GRIK1: variants seen among roughly 807,000 people sequenced by gnomAD.
The protein encoded by GRIK1 is glutamate ionotropic receptor kainate type subunit 1, also known as glutamate receptor ionotropic, kainate 1.
In GRIK1, 69 loss-of-function variants were observed where a neutral mutation model predicts 105.7. The observed-to-expected ratio is 0.65, with a 90% CI of 0.54 to 0.80. GRIK1 has a LOEUF of 0.80. GRIK1 is among the 30% of genes least tolerant of loss of function. GRIK1 has a pLI of 0.00. For synonymous variants in GRIK1, 438 were observed against 431.3 expected, an observed-to-expected ratio of 1.02 and a Z score of -0.19; for missense variants, 1,109 against 1,167.3, an observed-to-expected ratio of 0.95 and a Z score of 0.73.
In GRIK1 at chr21:29,888,177, C is replaced by CTTT. The variant is rs1382563565; in HGVS notation, c.118+51203_118+51205dup. 3.2e-3 allele frequency among the ~76,000 whole-genome samples: 30 copies of CTTT among 9,484 alleles called. 2 individuals carry two copies. The highest frequency in any genetic ancestry group is 7.9e-3 in the Non-Finnish European group (20 of 2,520). The allele number at this position is 9,484 out of a possible 152,430, so 6.2% of individuals were successfully genotyped here. A position where few individuals can be genotyped will look rare whatever the true frequency, so the allele number is the denominator to read the frequency against. On this transcript the variant is annotated intron_variant, in intron 1 of 17. Coordinates refer to ENST00000327783, the MANE Select transcript of GRIK1 (RefSeq NM_001330994.2). ...TCCTTTCTTTTTTCTTTCTTTCTTT[C>CTTT]TTTCTTCCTTTCTTTCTTTCTCTCT...
chr21:29,758,348 G>A (rs117389408), intron 1 of GRIK1, among the ~76,000 whole-genome samples: 29 of 152,330 alleles, frequency 1.9e-4, no homozygotes, highest in East Asian at 7.7e-4. Flanking sequence ...CACAACCATG[G>A]CAGAAGGTGA....
chr21:29,576,112 G>A (rs554029406), intron 14 of GRIK1, among the ~76,000 whole-genome samples: 9 of 151,884 alleles, frequency 5.9e-5, no homozygotes, highest in South Asian at 2.1e-4. Flanking sequence ...AGGTAATTTA[G>A]CTTCTGAAGG....
chr21:29,805,063 A>G (rs2066827258), intron 1 of GRIK1, among the ~76,000 whole-genome samples: 1 of 152,010 alleles, frequency 6.6e-6, no homozygotes. Context: ...ATGAGTTTCT[A>G]GATTTTGTGG....
intron 12 of GRIK1, among the ~76,000 whole-genome samples, chr21:29,583,352 G>A (rs1416527721): frequency 6.6e-6 from 1 of 152,104 alleles, no homozygotes; most frequent in Non-Finnish European, 1.5e-5. Context: ...GCAGAGTAAA[G>A]ATCCCGTTAC....
intron 7 of GRIK1, among the ~76,000 whole-genome samples, chr21:29,621,777 A>G (rs540774501): frequency 1.1e-4 from 17 of 152,280 alleles, no homozygotes; most frequent in African/African-American, 3.9e-4. Flanking sequence ...GAATCAGTAA[A>G]ATATAGTGCC....
At chr21:29,907,668 A>G (rs1014966918) in intron 1 of GRIK1, among the ~76,000 whole-genome samples, 8 of 152,166 alleles carry the variant, frequency 5.3e-5, no homozygotes, top group African/African-American at 1.9e-4. Context: ...TATGAATGAA[A>G]ATAAGAGCTA....
At chr21:29,793,536 C>T (rs2066481481) in intron 1 of GRIK1, among the ~76,000 whole-genome samples, 1 of 151,480 alleles carries the variant, frequency 6.6e-6, no homozygotes. Flanking sequence ...TCTCCTCCTC[C>T]TTCTCCCCCT....
chr21:29,558,721 T>TA (rs1568809971), intron 15 of GRIK1, among the ~76,000 whole-genome samples: 10 of 149,324 alleles, frequency 6.7e-5, no homozygotes, highest in South Asian at 2.1e-4. Flanking sequence ...ATATATATAT[T>TA]TTTTTGTATT....
At chr21:29,886,520 T>C (rs1244974793) in intron 1 of GRIK1, among the ~76,000 whole-genome samples, 1 of 152,176 alleles carries the variant, frequency 6.6e-6, no homozygotes, top group African/African-American at 2.4e-5. Context: ...GGGCATTCAC[T>C]TGTTTTCTAT....
intron 1 of GRIK1, among the ~76,000 whole-genome samples, chr21:29,810,495 A>C (rs1276955963): frequency 6.6e-6 from 1 of 152,156 alleles, no homozygotes; most frequent in Non-Finnish European, 1.5e-5. Context: ...AAGTACAGTA[A>C]AGTGAAGCTC....
intron 1 of GRIK1, among the ~76,000 whole-genome samples, chr21:29,926,672 C>T (rs556170724): frequency 8.6e-5 from 13 of 151,690 alleles, no homozygotes; most frequent in Non-Finnish European, 1.5e-4. Context: ...TATATATACA[C>T]ATATATATTT....
chr21:29,887,259 T>A (rs879328041), intron 1 of GRIK1, among the ~76,000 whole-genome samples: 26 of 152,202 alleles, frequency 1.7e-4, no homozygotes, highest in Non-Finnish European at 3.1e-4. Flanking sequence ...TTAGGCATTT[T>A]AAAATTTAAT....
chr21:29,698,158 T>C (rs576267091), intron 1 of GRIK1, among the ~76,000 whole-genome samples: 1 of 152,182 alleles, frequency 6.6e-6, no homozygotes, highest in Non-Finnish European at 1.5e-5. Flanking sequence ...GTCTTCATGT[T>C]GTGAACCTCT....
intron 1 of GRIK1, among the ~76,000 whole-genome samples, chr21:29,865,154 C>T (rs1305451307): frequency 6.6e-6 from 1 of 152,128 alleles, no homozygotes. Flanking sequence ...TTTCTGAACT[C>T]CTGCCTACAG....
Position 29,864,762 on chromosome 21 carries a change from A to G in GRIK1, c.118+74621T>C, listed in dbSNP as rs545321516. 8.5e-5 allele frequency among the ~76,000 whole-genome samples: 13 copies of G among 152,250 alleles called. No individual in the cohort carries two copies. The East Asian group carries it at 2.5e-3, about 29-fold the overall frequency. On this transcript the variant is annotated intron_variant, in intron 1 of 17. Coordinates refer to ENST00000327783, the MANE Select transcript of GRIK1 (RefSeq NM_001330994.2). ...GCCTGTTCATCGTTTGTTGTCCATC[A>G]GTTCTTAAGTATGTGGAACTAGAAG...
intron 16 of GRIK1, among the ~76,000 whole-genome samples, chr21:29,538,539 A>G (rs73348536): frequency 6.6e-6 from 1 of 152,070 alleles, no homozygotes; most frequent in Non-Finnish European, 1.5e-5. Context: ...GAACACTTAG[A>G]CATTTTTAAG....
intron 4 of GRIK1, among the ~76,000 whole-genome samples, chr21:29,669,434 T>A (rs1394201582): frequency 1.3e-5 from 2 of 152,192 alleles, no homozygotes; most frequent in Non-Finnish European, 2.9e-5. Context: ...CTATTAATAC[T>A]GATCTTATCT....
chr21:29,732,756 C>T (rs1011290942), intron 1 of GRIK1, among the ~76,000 whole-genome samples: 1 of 152,014 alleles, frequency 6.6e-6, no homozygotes, highest in Non-Finnish European at 1.5e-5. Flanking sequence ...AGTTTATTTG[C>T]CTCACTCGAT....
chr21:29,879,197 G>A (rs1209030038), intron 1 of GRIK1, among the ~76,000 whole-genome samples: 5 of 152,094 alleles, frequency 3.3e-5, no homozygotes, highest in African/African-American at 2.4e-5. Flanking sequence ...CTCTGCACAT[G>A]GGTTTGAAAC....
Sources: allele counts gnomAD v4.1 joint callset (sites outside exome capture counted in the v4.1 genomes callset), GRCh38; gene constraint gnomAD v4.1.1; transcripts MANE v1.5; gene names NCBI Gene and HGNC (gene_info 2026-07-23, HGNC 2026-07-21).